Variants in ASTN2 observed in about 807,000 individuals in gnomAD.
ASTN2 encodes the protein astrotactin-2.
ASTN2 carries 54 observed loss-of-function variants against 139.8 expected under a neutral mutation model. That is an observed-to-expected ratio of 0.39 (90% CI 0.31 to 0.48). The LOEUF (loss-of-function observed/expected upper bound fraction) is 0.48. Ranked by LOEUF, ASTN2 falls within the 20% of genes least tolerant of loss-of-function variation. The pLI is 0.95. For missense variants in ASTN2, 1,565 were observed against 1,725.1 expected, an observed-to-expected ratio of 0.91 and a Z score of 1.64; for synonymous variants, 756 against 719.5, an observed-to-expected ratio of 1.05 and a Z score of -0.81.
At chr9:116,983,302 A>C (rs912183066) in intron 7 of ASTN2, among the ~76,000 whole-genome samples, 4 of 152,170 alleles carry the variant, frequency 2.6e-5, no homozygotes, top group Non-Finnish European at 5.9e-5. Context: ...GGTTGGGCAT[A>C]ACATTATGAG....
At chr9:116,471,496 G>T (rs1440393556) in intron 20 of ASTN2, among the ~76,000 whole-genome samples, 4 of 152,174 alleles carry the variant, frequency 2.6e-5, no homozygotes, top group Non-Finnish European at 4.4e-5. Flanking sequence ...CCAGCCAGGG[G>T]TCTTTGGGAA....
intron 18 of ASTN2, 26 bp from the exon 19 acceptor site, chr9:116,618,498 G>C (rs372195563): frequency 5.7e-6 from 9 of 1,586,826 alleles, no homozygotes; most frequent in African/African-American, 5.4e-5. Context: ...AGGAAGATTC[G>C]TGTTTGGCAG....
chr9:116,651,835 G>T, intron 16 of ASTN2, 42 bp from the exon 17 acceptor site: 1 of 1,595,556 alleles, frequency 6.3e-7, no homozygotes. Context: ...GTAAACTCAG[G>T]ATTATTCAAA....
At position 116,820,793 on chromosome 9, in the gene ASTN2, G is replaced by C. The variant is rs1360019688; in HGVS notation, c.2041-10C>G. ...TCAGCTCCTCAGGGCACTGCTCAGAGAGAGGGCAACAGGGTAGTTATGGCT... is the reference window on the plus strand; with the variant it reads ...TCAGCTCCTCAGGGCACTGCTCAGACAGAGGGCAACAGGGTAGTTATGGCT... On this transcript the variant is annotated splice_polypyrimidine_tract_variant and intron_variant, in intron 11 of 22. Coordinates refer to ENST00000313400, the MANE Select transcript of ASTN2 (RefSeq NM_001365068.1). 3 of 1,610,054 alleles carry C rather than the reference G, an allele frequency of 1.9e-6. No homozygotes were observed. Among genetic ancestry groups the C allele is most frequent in the South Asian group, 2.2e-5 (2 of 90,648 alleles).
In ASTN2 at chr9:117,019,085, C is replaced by T. The variant is rs747244212; in HGVS notation, c.1424-10826G>A. ...TTCTGGTTGTTGTATTTTTCTTTTT[C>T]GCTTCTGTCAACATACATCTCTCAT... On this transcript the variant is annotated intron_variant, in intron 6 of 22. Coordinates refer to ENST00000313400, the MANE Select transcript of ASTN2 (RefSeq NM_001365068.1). 7.9e-5 allele frequency among the ~76,000 whole-genome samples: 12 copies of T among 151,842 alleles called. No individual in the cohort carries two copies. The South Asian group carries it at 8.3e-4, about 11-fold the overall frequency.
At chr9:117,338,036 A>G (rs1638754207) in intron 1 of ASTN2, among the ~76,000 whole-genome samples, 1 of 152,190 alleles carries the variant, frequency 6.6e-6, no homozygotes, top group African/African-American at 2.4e-5. Flanking sequence ...AAAAATAAGG[A>G]ATCGATGATT....
chr9:116,554,711 T>A (rs1852520054), intron 19 of ASTN2, among the ~76,000 whole-genome samples: 1 of 152,192 alleles, frequency 6.6e-6, no homozygotes, highest in South Asian at 2.1e-4. Context: ...TTCACTGTAT[T>A]GATTTTTAGA....
intron 3 of ASTN2, among the ~76,000 whole-genome samples, chr9:117,156,291 C>T (rs1195129350): frequency 1.3e-5 from 2 of 152,064 alleles, no homozygotes; most frequent in Non-Finnish European, 2.9e-5. Context: ...ATGACATTCT[C>T]TATGATGCTG....
intron 5 of ASTN2, among the ~76,000 whole-genome samples, chr9:117,087,424 C>T (rs571704529): frequency 1.2e-4 from 19 of 152,092 alleles, no homozygotes; most frequent in Admixed American, 1.3e-4. Flanking sequence ...GATGGGGTTT[C>T]GCCATGTTGC....
intron 16 of ASTN2, chr9:116,697,910 C>CA (rs1416111661): frequency 6.2e-7 from 1 of 1,614,240 alleles, no homozygotes; most frequent in East Asian, 2.2e-5. Context: ...CCAGTAGCAT[C>CA]AATGGTGTCC....
At chr9:117,366,712 T>C (rs1230016497) in intron 1 of ASTN2, among the ~76,000 whole-genome samples, 1 of 152,146 alleles carries the variant, frequency 6.6e-6, no homozygotes, top group Non-Finnish European at 1.5e-5. Context: ...TGTGCCGCCC[T>C]GCTCCAGCAA....
intron 13 of ASTN2, among the ~76,000 whole-genome samples, chr9:116,771,020 T>C (rs1055467604): frequency 6.6e-6 from 1 of 152,208 alleles, no homozygotes; most frequent in Non-Finnish European, 1.5e-5. Context: ...TCTTATGTAT[T>C]TTCTGTCATG....
intron 5 of ASTN2, among the ~76,000 whole-genome samples, chr9:117,045,979 T>TACGTACGTAC (rs1564399779): frequency 0.13 from 14,315 of 114,338 alleles, 958 homozygotes; most frequent in Middle Eastern, 0.26. Context: ...TATGTATGTA[T>TACGTACGTAC]GTACGTACGT....
At chr9:116,610,855 T>A (rs992992849) in intron 19 of ASTN2, 1 of 151,744 alleles carries the variant, frequency 6.6e-6, no homozygotes, top group Non-Finnish European at 1.5e-5. Context: ...AAGTCCATAA[T>A]CAGAGGTTTT....
intron 7 of ASTN2, among the ~76,000 whole-genome samples, chr9:116,992,818 AACT>A (rs1489975897): frequency 2.6e-5 from 4 of 152,184 alleles, no homozygotes; most frequent in Non-Finnish European, 5.9e-5. Context: ...TTCTTTTGCT[AACT>A]ACCTCCAATA....
At chr9:117,056,510 G>C (rs1839069209) in intron 5 of ASTN2, among the ~76,000 whole-genome samples, 1 of 152,128 alleles carries the variant, frequency 6.6e-6, no homozygotes, top group Non-Finnish European at 1.5e-5. Context: ...AGGTCAGGTG[G>C]AGACATCATA....
rs1355027424 is a variant in ASTN2 at position 116,632,256 on chromosome 9, A to AGAAG, written c.3073-11814_3073-11813insCTTC. Among the ~76,000 whole-genome samples, 261 of 102,982 alleles carry AGAAG rather than the reference A, an allele frequency of 2.5e-3. 2 individuals are homozygous for AGAAG. Among genetic ancestry groups the AGAAG allele is most frequent in the African/African-American group, 3.6e-3 (79 of 21,908 alleles). 67.6% of individuals were successfully genotyped at this position (102,982 alleles called of 152,430 possible). On this transcript the variant is annotated intron_variant, in intron 17 of 22. Coordinates refer to ENST00000313400, the MANE Select transcript of ASTN2 (RefSeq NM_001365068.1). ...AAGAAAGAAAGAAAGAAAGAAGGAA[A>AGAAG]GAAAGAAAGAAAGAAAGAAAGAAAG...
intron 13 of ASTN2, among the ~76,000 whole-genome samples, chr9:116,801,529 A>C (rs1830848403): frequency 7.0e-6 from 1 of 142,310 alleles, no homozygotes; most frequent in Admixed American, 7.5e-5. Flanking sequence ...CAGTGAGCCA[A>C]GATCATGTCA....
chr9:117,068,759 T>G (rs42982), intron 5 of ASTN2, among the ~76,000 whole-genome samples: 1,578 of 108,966 alleles, frequency 0.014, no homozygotes, highest in East Asian at 0.033. Context: ...GTCGAGGAAT[T>G]TATCCATTTC....
Sources: gnomAD v4.1 joint callset for allele counts (sites outside exome capture counted in the v4.1 genomes callset) on GRCh38, gnomAD v4.1.1 for gene constraint, MANE v1.5 for transcripts, NCBI Gene and HGNC (gene_info 2026-07-23, HGNC 2026-07-21) for gene names.